PTBP3: variants seen among roughly 807,000 people sequenced by gnomAD.
PTBP3 encodes polypyrimidine tract-binding protein 3.
Under a neutral mutation model 58.7 loss-of-function variants are expected in PTBP3, and 20 were observed. The observed-to-expected ratio is 0.34, with a 90% CI of 0.24 to 0.50. The LOEUF (loss-of-function observed/expected upper bound fraction) is 0.50, where lower values mean the gene tolerates loss of function less well. Among genes scored for constraint, PTBP3 ranks in the 20% least tolerant of loss-of-function variants. PTBP3 has a pLI of 0.98. For missense variants in PTBP3, 509 were observed against 637.2 expected, an observed-to-expected ratio of 0.80 and a Z score of 2.17; for synonymous variants, 185 against 219.8, an observed-to-expected ratio of 0.84 and a Z score of 1.40.
chr9:112,266,845 T>C (rs1251681797), intron 4 of PTBP3, among the ~76,000 whole-genome samples: 1 of 152,236 alleles, frequency 6.6e-6, no homozygotes, highest in Non-Finnish European at 1.5e-5. Flanking sequence ...TTTTCTTGAT[T>C]GAATGGTGTA....
the PTBP3 span, chr9:112,379,842 C>A: frequency 7.8e-6 from 4 of 510,380 alleles, no homozygotes; most frequent in Admixed American, 3.9e-5. Flanking sequence ...TGCCCAGACG[C>A]TAGGCGCCGA....
Position 112,220,367 on chromosome 9 carries a change from GA to G in PTBP3, c.*3483del. 2 of 1,251,558 alleles carry G rather than the reference GA, an allele frequency of 1.6e-6. No individual in the cohort carries two copies. Among genetic ancestry groups the G allele is most frequent in the South Asian group, 2.7e-5 (2 of 75,410 alleles). The allele number at this position is 1,251,558 out of a possible 1,614,324, so 77.5% of individuals were successfully genotyped here. A position where few individuals can be genotyped will look rare whatever the true frequency, so the allele number is the denominator to read the frequency against. Reference sequence around the variant, plus strand: ...GAATCACTTGAGCCCAGGAGTTGGCGAGACCCCTAAAAATAAAATAAAGTAA... The same window carrying G: ...GAATCACTTGAGCCCAGGAGTTGGCGGACCCCTAAAAATAAAATAAAGTAA... On this transcript the variant is annotated 3_prime_UTR_variant, in exon 14 of 14. Coordinates refer to ENST00000374257, the MANE Select transcript of PTBP3 (RefSeq NM_001163788.4).
At chr9:112,354,235 C>T in the PTBP3 span, among the ~76,000 whole-genome samples, 1 of 152,182 alleles carries the variant, frequency 6.6e-6, no homozygotes, top group Non-Finnish European at 1.5e-5. Context: ...GTGCAAAAAG[C>T]AAACCACAGC....
Position 112,229,081 on chromosome 9 carries a change from T to A in PTBP3, c.1055-609A>T, listed in dbSNP as rs74857557. On this transcript the variant is annotated intron_variant, in intron 10 of 13. Transcript: ENST00000374257. ...GGGTATGGAAAGATAATAATCAAAC[T>A]CTTATCTATACTAATCTATTTATAT... 9.1e-4 allele frequency among the ~76,000 whole-genome samples: 138 copies of A among 152,288 alleles called. 1 individual carries two copies. In the East Asian group the frequency reaches 0.024, roughly 26 times the overall value.
chr9:112,270,971 T>C lies in PTBP3; in HGVS notation c.205-2776A>G, dbSNP rs538306898. ...CCTCCCGAGTAGCTGGGATTACAGGTGCACGCCACCACACCCGGCTTATTT... is the reference window on the plus strand; with the variant it reads ...CCTCCCGAGTAGCTGGGATTACAGGCGCACGCCACCACACCCGGCTTATTT... On this transcript the variant is annotated intron_variant, in intron 3 of 13. Transcript: ENST00000374257. Among the ~76,000 whole-genome samples the C allele has an allele frequency of 6.6e-5, 10 of 152,040 alleles. No homozygotes were observed. The East Asian group carries it at 1.9e-3, about 29-fold the overall frequency.
At chr9:112,317,874 C>T (rs1429603753) in intron 1 of PTBP3, among the ~76,000 whole-genome samples, 3 of 152,038 alleles carry the variant, frequency 2.0e-5, no homozygotes, top group African/African-American at 7.2e-5. Context: ...ACCCGTGAGT[C>T]GGAGGTTGCA....
At chr9:112,331,219 T>A (rs1830361941) in intron 1 of PTBP3, among the ~76,000 whole-genome samples, 1 of 152,034 alleles carries the variant, frequency 6.6e-6, no homozygotes, top group African/African-American at 2.4e-5. Context: ...GGAAAAAGGA[T>A]CTTTTTCAGG....
Position 112,231,989 on chromosome 9 carries a change from G to T in PTBP3, c.1020+110C>A. 7.9e-6 allele frequency: 4 copies of T among 504,336 alleles called. No homozygotes were observed. The Middle Eastern group carries it at 1.5e-3, about 194-fold the overall frequency. 31.2% of individuals were successfully genotyped at this position (504,336 alleles called of 1,614,324 possible). ...GAAGAGAGAAGAGAAGAGAAGAGAA[G>T]AGAAGAGAAGAGAAGAGAAGAGAAG... is the stretch of plus-strand genomic sequence containing the variant. On this transcript the variant is annotated intron_variant, in intron 9 of 13. Coordinates refer to ENST00000374257, the MANE Select transcript of PTBP3 (RefSeq NM_001163788.4).
intron 2 of PTBP3, among the ~76,000 whole-genome samples, chr9:112,278,751 A>G (rs1435699739): frequency 6.6e-6 from 1 of 152,230 alleles, no homozygotes; most frequent in South Asian, 2.1e-4. Flanking sequence ...TGAGCAAGTT[A>G]TTTAACGTTA....
At chr9:112,333,446 G>T in intron 1 of PTBP3, 24 bp downstream of exon 1, 2 of 1,571,914 alleles carry the variant, frequency 1.3e-6, no homozygotes, top group Middle Eastern at 1.7e-4. Flanking sequence ...ACCCGGTGCG[G>T]CCGCCGCGCC....
At chr9:112,373,640 A>G in the PTBP3 span, among the ~76,000 whole-genome samples, 1 of 152,232 alleles carries the variant, frequency 6.6e-6, no homozygotes, top group Admixed American at 6.5e-5. Flanking sequence ...GTAATCTTCA[A>G]ATAAAGACAA....
At chr9:112,325,495 A>G (rs1232651542) in intron 1 of PTBP3, among the ~76,000 whole-genome samples, 1 of 151,798 alleles carries the variant, frequency 6.6e-6, no homozygotes, top group Non-Finnish European at 1.5e-5. Flanking sequence ...CAATGTGTCC[A>G]TATGCCTAAT....
the PTBP3 span, among the ~76,000 whole-genome samples, chr9:112,352,969 C>T: frequency 6.6e-6 from 1 of 150,628 alleles, no homozygotes; most frequent in Non-Finnish European, 1.5e-5. Flanking sequence ...GGTGTGATCT[C>T]GGCTCACTGC....
At position 112,218,555 on chromosome 9, in the gene PTBP3, T is replaced by A. The variant is rs755406790; in HGVS notation, c.*5296A>T. The A allele has an allele frequency of 6.6e-6, 1 of 152,592 alleles. No homozygotes were observed. The highest frequency in any genetic ancestry group is 1.5e-5 in the Non-Finnish European group (1 of 68,018). 9.5% of individuals were successfully genotyped at this position (152,592 alleles called of 1,614,324 possible). ...AGCAAATATACAAACTGAACGAAAA[T>A]GGAATATACTGTAGTGTACAGAAGC... On this transcript the variant is annotated 3_prime_UTR_variant, in exon 14 of 14. Transcript: ENST00000374257.
the PTBP3 span, among the ~76,000 whole-genome samples, chr9:112,360,436 T>C: frequency 1.3e-5 from 2 of 152,164 alleles, no homozygotes; most frequent in African/African-American, 4.8e-5. Context: ...TCCTCCCACC[T>C]TGGCTTCCTA....
chr9:112,306,898 T>G (rs1256843039), intron 1 of PTBP3, among the ~76,000 whole-genome samples: 1 of 152,104 alleles, frequency 6.6e-6, no homozygotes, highest in Non-Finnish European at 1.5e-5. Flanking sequence ...AAATTTGTAG[T>G]TAAATGAATG....
intron 1 of PTBP3, among the ~76,000 whole-genome samples, chr9:112,329,811 C>T (rs1830296219): frequency 6.7e-6 from 1 of 148,424 alleles, no homozygotes; most frequent in Admixed American, 6.7e-5. Flanking sequence ...TAAGAAAGGA[C>T]ATGGTAAGAA....
chr9:112,235,797 G>A (rs1289508185), intron 7 of PTBP3, among the ~76,000 whole-genome samples: 1 of 152,116 alleles, frequency 6.6e-6, no homozygotes, highest in East Asian at 1.9e-4. Context: ...ATACAGCCTG[G>A]GGGTATAGGT....
chr9:112,223,760 G>A lies in PTBP3; in HGVS notation c.*91C>T. 6.5e-7 allele frequency: 1 copy of A among 1,535,384 alleles called. No individual in the cohort carries two copies. On this transcript the variant is annotated 3_prime_UTR_variant, in exon 14 of 14. Transcript: ENST00000374257. ...CAAACTCAGAGTTATTTTTGTGAAAGAGGCAAAATTGGTCTTGAGCTGCTT... is the reference window on the plus strand; with the variant it reads ...CAAACTCAGAGTTATTTTTGTGAAAAAGGCAAAATTGGTCTTGAGCTGCTT...
Sources: gnomAD v4.1 joint callset for allele counts (sites outside exome capture counted in the v4.1 genomes callset) on GRCh38, gnomAD v4.1.1 for gene constraint, MANE v1.5 for transcripts, NCBI Gene and HGNC (gene_info 2026-07-23, HGNC 2026-07-21) for gene names.